PRKAR2B: variants seen among roughly 807,000 people sequenced by gnomAD.
The protein encoded by PRKAR2B is protein kinase cAMP-dependent type II regulatory subunit beta.
Under a neutral mutation model 49.9 loss-of-function variants are expected in PRKAR2B, and 14 were observed. The ratio of observed to expected loss-of-function variants is 0.28; its 90% CI spans 0.19 to 0.44. PRKAR2B has a LOEUF of 0.44. Among genes scored for constraint, PRKAR2B ranks in the 20% least tolerant of loss-of-function variants. The pLI, the probability that PRKAR2B is intolerant of heterozygous loss-of-function variation, is 1.00. For missense variants in PRKAR2B, 393 were observed against 537.9 expected (o/e 0.73, Z 2.67); for synonymous variants, 196 against 197.7 (o/e 0.99, Z 0.07).
At chr7:107,107,546 A>G (rs1364014438) in intron 2 of PRKAR2B, among the ~76,000 whole-genome samples, 1 of 152,006 alleles carries the variant, frequency 6.6e-6, no homozygotes, top group African/African-American at 2.4e-5. Context: ...CAGTAGTACA[A>G]ATGCCATCAA....
intron 2 of PRKAR2B, among the ~76,000 whole-genome samples, chr7:107,094,410 C>A (rs988719318): frequency 6.6e-6 from 1 of 152,088 alleles, no homozygotes. Flanking sequence ...GATATTAGCC[C>A]TTTGTCAGAT....
At chr7:107,097,020 C>CT (rs1213512066) in intron 2 of PRKAR2B, among the ~76,000 whole-genome samples, 1 of 152,092 alleles carries the variant, frequency 6.6e-6, no homozygotes, top group Non-Finnish European at 1.5e-5. Flanking sequence ...TAGATGTCTA[C>CT]TAGGTCTGCT....
intron 6 of PRKAR2B, 136 bp from the exon 7 acceptor site, chr7:107,150,786 G>A (rs1795970850): frequency 1.6e-5 from 8 of 514,330 alleles, no homozygotes; most frequent in Non-Finnish European, 2.8e-5. Flanking sequence ...AATATGAAAT[G>A]AGTTGCATTA....
chr7:107,102,770 A>C (rs111295339), intron 2 of PRKAR2B, among the ~76,000 whole-genome samples: 38 of 152,296 alleles, frequency 2.5e-4, no homozygotes, highest in African/African-American at 8.9e-4. Flanking sequence ...TCCGGGGTTC[A>C]GGTGATTCTC....
chr7:107,078,351 C>G (rs188191912), intron 2 of PRKAR2B: 1 of 152,366 alleles, frequency 6.6e-6, no homozygotes, highest in Admixed American at 6.6e-5. Context: ...CAGGATGAAA[C>G]GAGAGGTGTC....
At chr7:107,045,416 C>T (rs531071569) in intron 1 of PRKAR2B, among the ~76,000 whole-genome samples, 1 of 152,324 alleles carries the variant, frequency 6.6e-6, no homozygotes, top group African/African-American at 2.4e-5. Context: ...CGCTCTCTGT[C>T]ATACCCTCTT....
chr7:107,135,833 G>A (rs1319485084), intron 4 of PRKAR2B, among the ~76,000 whole-genome samples: 2 of 152,016 alleles, frequency 1.3e-5, no homozygotes, highest in Non-Finnish European at 2.9e-5. Context: ...CCCAACAAAC[G>A]GATCCTAAAG....
At chr7:107,063,935 A>G (rs1229775697) in intron 1 of PRKAR2B, among the ~76,000 whole-genome samples, 1 of 152,208 alleles carries the variant, frequency 6.6e-6, no homozygotes, top group Non-Finnish European at 1.5e-5. Flanking sequence ...TGGTCTCCAT[A>G]AATCTGCTCT....
intron 5 of PRKAR2B, 33 bp downstream of exon 5, chr7:107,140,986 A>G: frequency 6.7e-7 from 1 of 1,485,922 alleles, no homozygotes; most frequent in Non-Finnish European, 9.3e-7. Flanking sequence ...ATTGAAATTG[A>G]AAGAACCTTT....
At chr7:107,052,087 C>T (rs1031039010) in intron 1 of PRKAR2B, among the ~76,000 whole-genome samples, 5 of 152,252 alleles carry the variant, frequency 3.3e-5, no homozygotes, top group East Asian at 3.9e-4. Context: ...TCGGCTGTTT[C>T]GTTCTCATTA....
At chr7:107,103,630 ACTCTACAAGC>A (rs1795016286) in intron 2 of PRKAR2B, among the ~76,000 whole-genome samples, 1 of 151,960 alleles carries the variant, frequency 6.6e-6, no homozygotes, top group Non-Finnish European at 1.5e-5. Context: ...CACTTGATAA[ACTCTACAAGC>A]CTCCATGACG....
chr7:107,116,798 T>C (rs1053124602), intron 2 of PRKAR2B, among the ~76,000 whole-genome samples: 5 of 151,692 alleles, frequency 3.3e-5, no homozygotes, highest in Non-Finnish European at 7.4e-5. Context: ...GAAATGTGAA[T>C]GAACAGGGGC....
At chr7:107,110,088 T>G (rs897440831) in intron 2 of PRKAR2B, among the ~76,000 whole-genome samples, 1 of 152,190 alleles carries the variant, frequency 6.6e-6, no homozygotes, top group Non-Finnish European at 1.5e-5. Context: ...TGCAGAGAGA[T>G]AATCCATGTG....
chr7:107,085,619 C>A lies in PRKAR2B; in HGVS notation c.343+15303C>A, dbSNP rs181858453. The stretch of plus-strand genomic sequence containing the variant: ...ATACCTAATAGTTTGTTGTGTATTT[C>A]CTTGGGTGTTTTTATGCACATACAT... On this transcript the variant is annotated intron_variant, in intron 2 of 10. Transcript: ENST00000265717. Among the ~76,000 whole-genome samples, 5 of 152,210 alleles carry A rather than the reference C, an allele frequency of 3.3e-5. No homozygotes were observed. In the East Asian group the frequency reaches 7.7e-4, roughly 23 times the overall value.
chr7:107,099,119 A>C (rs931656813), intron 2 of PRKAR2B, among the ~76,000 whole-genome samples: 5 of 152,310 alleles, frequency 3.3e-5, no homozygotes, highest in Admixed American at 2.6e-4. Flanking sequence ...CCAGAGGTGG[A>C]GTCTACAGAG....
At chr7:107,109,416 C>T (rs1795133120) in intron 2 of PRKAR2B, among the ~76,000 whole-genome samples, 1 of 135,064 alleles carries the variant, frequency 7.4e-6, no homozygotes, top group South Asian at 2.4e-4. Context: ...GGCACCACCA[C>T]ACTCAGCTAA....
At chr7:107,097,257 T>G (rs1382711190) in intron 2 of PRKAR2B, among the ~76,000 whole-genome samples, 1 of 152,236 alleles carries the variant, frequency 6.6e-6, no homozygotes, top group Non-Finnish European at 1.5e-5. Flanking sequence ...TTTACCATTA[T>G]GTAATGGCCT....
intron 2 of PRKAR2B, among the ~76,000 whole-genome samples, chr7:107,075,735 GCT>G (rs1562848438): frequency 6.6e-6 from 1 of 151,992 alleles, no homozygotes; most frequent in East Asian, 1.9e-4. Flanking sequence ...CAAAACGTTC[GCT>G]CTCAGCCTTC....
At chr7:107,085,886 A>T (rs746001985) in intron 2 of PRKAR2B, among the ~76,000 whole-genome samples, 1 of 152,204 alleles carries the variant, frequency 6.6e-6, no homozygotes, top group Non-Finnish European at 1.5e-5. Context: ...TTGCAAGTAC[A>T]TCTACAGGAT....
Sources: gnomAD v4.1 joint callset for allele counts (sites outside exome capture counted in the v4.1 genomes callset) on GRCh38, gnomAD v4.1.1 for gene constraint, MANE v1.5 for transcripts, NCBI Gene and HGNC (gene_info 2026-07-23, HGNC 2026-07-21) for gene names.